The following GRIK1 variants were observed in gnomAD, a reference collection of about 807,000 sequenced individuals.
GRIK1 encodes the protein glutamate receptor ionotropic, kainate 1.
In GRIK1, 69 loss-of-function variants were observed where a neutral mutation model predicts 105.7. The observed-to-expected ratio is 0.65, with a 90% CI of 0.54 to 0.80. The LOEUF is 0.80. GRIK1 is among the 30% of genes least tolerant of loss of function. The pLI, the probability that GRIK1 is intolerant of heterozygous loss-of-function variation, is 0.00. For synonymous variants in GRIK1, 438 were observed against 431.3 expected, an observed-to-expected ratio of 1.02 and a Z score of -0.19; for missense variants, 1,109 against 1,167.3, an observed-to-expected ratio of 0.95 and a Z score of 0.73.
At chr21:29,909,830 A>G (rs2070756095) in intron 1 of GRIK1, among the ~76,000 whole-genome samples, 1 of 152,198 alleles carries the variant, frequency 6.6e-6, no homozygotes, top group Non-Finnish European at 1.5e-5. Context: ...ATATGGAGCT[A>G]TCATTTAAAA....
chr21:29,927,970 G>A (rs781560657), intron 1 of GRIK1, among the ~76,000 whole-genome samples: 3 of 152,052 alleles, frequency 2.0e-5, no homozygotes, highest in Non-Finnish European at 2.9e-5. Flanking sequence ...ATACGACATA[G>A]AGAGAAAGAG....
intron 9 of GRIK1, chr21:29,595,909 C>T (rs1262672881): frequency 6.2e-6 from 1 of 161,012 alleles, no homozygotes; most frequent in African/African-American, 2.4e-5. Context: ...TGTTATAATT[C>T]ACAAGATAAT....
At chr21:29,932,629 T>C (rs1363730505) in intron 1 of GRIK1, among the ~76,000 whole-genome samples, 1 of 152,044 alleles carries the variant, frequency 6.6e-6, no homozygotes, top group Non-Finnish European at 1.5e-5. Context: ...GTGACAGTGC[T>C]GTATAATAAG....
rs770428333 is a variant in GRIK1, at chr21:29,561,757, C to G, written c.2223G>C (p.Gln741His). Residue 741 changes from glutamine (Q) to histidine (H), a missense_variant, in exon 15 of 18, where the codon CAG (glutamine) becomes CAC (histidine). Coordinates refer to ENST00000327783, the MANE Select transcript of GRIK1 (RefSeq NM_001330994.2). ...ALVRNSDEGI[Q>H]RVLTTDYALL... Reference sequence around the variant, plus strand: ...GCGCGTAGTCTGTGGTGAGCACTCTCTGGATCCCCTCATCACTGTTTCTTA... The same window carrying G: ...GCGCGTAGTCTGTGGTGAGCACTCTGTGGATCCCCTCATCACTGTTTCTTA... 6.2e-7 allele frequency: 1 copy of G among 1,613,872 alleles called. No individual in the cohort carries two copies. The highest frequency in any genetic ancestry group is 1.7e-5 in the Admixed American group (1 of 60,024).
At chr21:29,581,776 A>G (rs1384481095) in intron 12 of GRIK1, among the ~76,000 whole-genome samples, 1 of 152,186 alleles carries the variant, frequency 6.6e-6, no homozygotes, top group Non-Finnish European at 1.5e-5. Flanking sequence ...GTCAGCTGGA[A>G]TTGTACTCCT....
intron 1 of GRIK1, among the ~76,000 whole-genome samples, chr21:29,710,352 T>A (rs766061617): frequency 3.3e-5 from 5 of 152,014 alleles, no homozygotes; most frequent in Non-Finnish European, 5.9e-5. Flanking sequence ...GTATTGGCCT[T>A]GTCAATTTTG....
At chr21:29,884,835 A>G (rs1349191020) in intron 1 of GRIK1, among the ~76,000 whole-genome samples, 1 of 152,058 alleles carries the variant, frequency 6.6e-6, no homozygotes. Flanking sequence ...AGTTATGATT[A>G]CTTAATTGCT....
At chr21:29,800,679 A>G (rs995334862) in intron 1 of GRIK1, among the ~76,000 whole-genome samples, 9 of 152,246 alleles carry the variant, frequency 5.9e-5, no homozygotes, top group African/African-American at 1.9e-4. Flanking sequence ...GCTTTTGATG[A>G]ATACCTTCTG....
At chr21:29,832,563 A>G (rs1355690727) in intron 1 of GRIK1, among the ~76,000 whole-genome samples, 4 of 152,090 alleles carry the variant, frequency 2.6e-5, no homozygotes, top group Non-Finnish European at 5.9e-5. Flanking sequence ...ATCAAATCTT[A>G]TGGGTTGTAC....
chr21:29,652,946 G>A (rs2062770943), intron 5 of GRIK1, among the ~76,000 whole-genome samples: 1 of 152,208 alleles, frequency 6.6e-6, no homozygotes, highest in Non-Finnish European at 1.5e-5. Context: ...CAGTAGAACT[G>A]TAAGAGCACA....
At chr21:29,595,676 A>G (rs1029734711) in intron 9 of GRIK1, among the ~76,000 whole-genome samples, 9 of 152,094 alleles carry the variant, frequency 5.9e-5, no homozygotes, top group African/African-American at 1.9e-4. Context: ...TCCATTCATC[A>G]GTCCATAGAT....
At chr21:29,586,917 G>T (rs2091141656) in intron 12 of GRIK1, among the ~76,000 whole-genome samples, 11 of 151,896 alleles carry the variant, frequency 7.2e-5, no homozygotes, top group Admixed American at 7.2e-4. Context: ...CATTCCTAAG[G>T]GTTTCACAAT....
intron 1 of GRIK1, among the ~76,000 whole-genome samples, chr21:29,812,117 C>A (rs550649909): frequency 9.2e-5 from 14 of 152,132 alleles, no homozygotes; most frequent in South Asian, 4.1e-4. Context: ...TATATATGTA[C>A]GTGTGTATAA....
intron 1 of GRIK1, among the ~76,000 whole-genome samples, chr21:29,795,291 C>T (rs2066527373): frequency 6.6e-6 from 1 of 152,036 alleles, no homozygotes; most frequent in Admixed American, 6.6e-5. Context: ...CTGCCTTGGC[C>T]TCTGAAAATG....
chr21:29,565,656 A>T (rs2146195095), intron 14 of GRIK1, among the ~76,000 whole-genome samples: 1 of 152,306 alleles, frequency 6.6e-6, no homozygotes, highest in East Asian at 1.9e-4. Context: ...CTGGTCTCGA[A>T]CTGCTGACCT....
intron 1 of GRIK1, among the ~76,000 whole-genome samples, chr21:29,825,407 TAAC>T (rs1232143080): frequency 1.3e-5 from 2 of 152,092 alleles, no homozygotes; most frequent in Admixed American, 1.3e-4. Context: ...TAGCTTATAT[TAAC>T]AAGAAACAAA....
chr21:29,681,959 G>A (rs1480696120), intron 3 of GRIK1, among the ~76,000 whole-genome samples: 1 of 152,208 alleles, frequency 6.6e-6, no homozygotes, highest in Non-Finnish European at 1.5e-5. Context: ...ATCCAAAGTT[G>A]GGAGCAACTT....
chr21:29,568,918 C>T (rs1323505416), intron 14 of GRIK1, among the ~76,000 whole-genome samples: 3 of 152,226 alleles, frequency 2.0e-5, no homozygotes, highest in Non-Finnish European at 4.4e-5. Context: ...CTGAATTAAA[C>T]TGAATTGCCT....
intron 1 of GRIK1, among the ~76,000 whole-genome samples, chr21:29,867,733 G>T (rs535514101): frequency 6.6e-6 from 1 of 152,098 alleles, no homozygotes; most frequent in East Asian, 1.9e-4. Flanking sequence ...AGCAGAGGTT[G>T]CAGTGAGCCT....
Sources: gnomAD v4.1 joint callset for allele counts (sites outside exome capture counted in the v4.1 genomes callset) on GRCh38, gnomAD v4.1.1 for gene constraint, MANE v1.5 for transcripts, NCBI Gene and HGNC (gene_info 2026-07-23, HGNC 2026-07-21) for gene names.